The following PKD1L3 variants were observed in gnomAD, a reference collection of about 807,000 sequenced individuals.
The protein encoded by PKD1L3 is polycystin-1-like protein 3.
PKD1L3 carries 239 observed loss-of-function variants against 184.1 expected under a neutral mutation model. The observed-to-expected ratio is 1.30, with a 90% CI of 1.17 to 1.45. The LOEUF (loss-of-function observed/expected upper bound fraction) is 1.45. PKD1L3 is among the 40% of genes most tolerant of loss of function. PKD1L3 has a pLI of 0.00. For synonymous variants in PKD1L3, 996 were observed against 778.8 expected (o/e 1.28, Z -4.64); for missense variants, 2,660 against 2,067.2 (o/e 1.29, Z -5.56).
rs151169941 is a variant in PKD1L3, at chr16:71,962,187, G to A, written c.2612+1018C>T. On this transcript the variant is annotated intron_variant, in intron 16 of 29. Transcript: ENST00000620267. ...GATTTGTCCACCTCGGCCTCCCAAA[G>A]TGCTGGGATTACAGGTGTGAGCCAC... 5.9e-3 allele frequency among the ~76,000 whole-genome samples: 905 copies of A among 152,190 alleles called. 7 individuals are homozygous for A. The highest frequency in any genetic ancestry group is 0.021 in the African/African-American group (864 of 41,530).
intron 22 of PKD1L3, among the ~76,000 whole-genome samples, chr16:71,944,706 T>TTG (rs1555514498): frequency 5.2e-5 from 4 of 77,426 alleles, no homozygotes; most frequent in Non-Finnish European, 1.1e-4. Flanking sequence ...TTTTTGTTTG[T>TTG]TTTTTTTTTT....
intron 13 of PKD1L3, 96 bp from the exon 14 acceptor site, chr16:71,968,103 G>T: frequency 1.0e-6 from 1 of 953,276 alleles, no homozygotes; most frequent in South Asian, 1.6e-5. Context: ...ACTCCGGCAG[G>T]TGTCTGGCAG....
Position 71,944,180 on chromosome 16 carries a change from A to C in PKD1L3, c.3719-10T>G. ...GACGAAGAACATTTTGCTGTCAAAAATTCAAATATAGACCAAAGAAATGTT... is the reference window on the plus strand; with the variant it reads ...GACGAAGAACATTTTGCTGTCAAAACTTCAAATATAGACCAAAGAAATGTT... On this transcript the variant is annotated splice_polypyrimidine_tract_variant and intron_variant, in intron 22 of 29. Transcript: ENST00000620267. The C allele has an allele frequency of 4.5e-6, 7 of 1,545,896 alleles. No individual in the cohort carries two copies. Among genetic ancestry groups the C allele is most frequent in the Non-Finnish European group, 6.1e-6 (7 of 1,142,830 alleles).
At chr16:71,936,214 T>C (rs1018287242) in intron 25 of PKD1L3, among the ~76,000 whole-genome samples, 9 of 151,562 alleles carry the variant, frequency 5.9e-5, no homozygotes, top group Non-Finnish European at 1.0e-4. Flanking sequence ...CTTTTCTTTT[T>C]TTTTTTTTGA....
At chr16:71,999,148 G>GTA (rs2040887350) in intron 1 of PKD1L3, among the ~76,000 whole-genome samples, 1 of 151,870 alleles carries the variant, frequency 6.6e-6, no homozygotes, top group African/African-American at 2.4e-5. Context: ...GCGGCCACCT[G>GTA]TAGTCCCAGC....
At chr16:71,943,783 G>A (rs1472132238) in intron 23 of PKD1L3, among the ~76,000 whole-genome samples, 3 of 152,122 alleles carry the variant, frequency 2.0e-5, no homozygotes, top group Non-Finnish European at 2.9e-5. Context: ...CATAGATCAA[G>A]TGTTATTACA....
At chr16:71,989,681 T>A (rs985047140) in intron 4 of PKD1L3, among the ~76,000 whole-genome samples, 5 of 152,210 alleles carry the variant, frequency 3.3e-5, no homozygotes, top group Non-Finnish European at 7.4e-5. Context: ...TGTATTTTTG[T>A]AAGATGCCAC....
rs1355855659 is a variant in PKD1L3, at chr16:71,973,336, G to C, written c.1941C>G (p.Ser647Arg). 6.4e-6 allele frequency: 10 copies of C among 1,551,590 alleles called. No individual in the cohort carries two copies. Among genetic ancestry groups the C allele is most frequent in the Non-Finnish European group, 8.7e-6 (10 of 1,147,008 alleles). ...CTCAGTTTCTTACTTGGCATCCGGCGCTGCTCCATGTCTGGTTGTGGATCT... is the reference window on the plus strand; with the variant it reads ...CTCAGTTTCTTACTTGGCATCCGGCCCTGCTCCATGTCTGGTTGTGGATCT... Reference protein sequence around the residue: ...YWEIHNQTWSSAGCQVGPQST... With the variant: ...YWEIHNQTWSRAGCQVGPQST... Residue 647 changes from serine to arginine, a missense_variant, in exon 12 of 30, where the codon AGC (serine) becomes AGG (arginine). Coordinates refer to ENST00000620267, the MANE Select transcript of PKD1L3 (RefSeq NM_181536.2).
chr16:71,938,402 C>A (rs1410474105), intron 24 of PKD1L3, among the ~76,000 whole-genome samples: 1 of 152,154 alleles, frequency 6.6e-6, no homozygotes, highest in African/African-American at 2.4e-5. Context: ...GCACAAACAG[C>A]CTGGGCACCA....
chr16:71,971,645 A>AAGC (rs2039714252), intron 12 of PKD1L3, among the ~76,000 whole-genome samples: 1 of 152,232 alleles, frequency 6.6e-6, no homozygotes, highest in Non-Finnish European at 1.5e-5. Flanking sequence ...TTTCCCTAAC[A>AAGC]AGCAGCACTG....
At chr16:71,993,812 T>G (rs2040684292) in intron 2 of PKD1L3, among the ~76,000 whole-genome samples, 1 of 152,246 alleles carries the variant, frequency 6.6e-6, no homozygotes, top group Non-Finnish European at 1.5e-5. Flanking sequence ...TTTTGCTCTG[T>G]TGCCCAGGCT....
intron 24 of PKD1L3, among the ~76,000 whole-genome samples, chr16:71,939,033 G>A (rs2038274346): frequency 6.6e-6 from 1 of 152,248 alleles, no homozygotes; most frequent in African/African-American, 2.4e-5. Flanking sequence ...GGCTCCCTGA[G>A]CCAGGGCTGT....
intron 16 of PKD1L3, among the ~76,000 whole-genome samples, chr16:71,960,444 C>T (rs1225859735): frequency 6.6e-6 from 1 of 151,324 alleles, no homozygotes; most frequent in Non-Finnish European, 1.5e-5. Context: ...TAAGAACAAA[C>T]AATAGAAATA....
chr16:71,974,868 G>A (rs1392020349), intron 11 of PKD1L3, among the ~76,000 whole-genome samples: 1 of 152,156 alleles, frequency 6.6e-6, no homozygotes, highest in Non-Finnish European at 1.5e-5. Flanking sequence ...GCCAGAGAAA[G>A]TTCTTTCCAG....
intron 22 of PKD1L3, among the ~76,000 whole-genome samples, chr16:71,944,455 G>A (rs2038482565): frequency 6.6e-6 from 1 of 152,108 alleles, no homozygotes; most frequent in Admixed American, 6.5e-5. Context: ...GGAGGCCAAG[G>A]CAGCAGGATC....
intron 2 of PKD1L3, among the ~76,000 whole-genome samples, chr16:71,993,967 A>C (rs770471092): frequency 1.3e-5 from 2 of 152,080 alleles, no homozygotes; most frequent in Non-Finnish European, 1.5e-5. Flanking sequence ...ACGAGGTTTC[A>C]CCATGTTGGC....
chr16:71,930,439 G>T, intron 28 of PKD1L3: 1 of 310,614 alleles, frequency 3.2e-6, no homozygotes. Context: ...CAGTGGAATT[G>T]GAAATGATTC....
rs1156975815 is a variant in PKD1L3 at position 71,969,980 on chromosome 16, G to A, written c.2079C>T (p.Arg693=). Residue 693 remains arginine, a synonymous_variant, in exon 13 of 30, where the codon CGC becomes CGT. Transcript: ENST00000620267. ...NVEDTIKLFL[R]VTNNPVGVSL... ...ACACCCCAACAGGATTGTTGGTCAC[G>A]CGAAGGAACAGTTTGATCGTGTCTT... The A allele has an allele frequency of 3.6e-5, 56 of 1,551,622 alleles. No individual in the cohort carries two copies. Among genetic ancestry groups the A allele is most frequent in the South Asian group, 4.8e-5 (4 of 84,064 alleles).
rs914155418 is a variant in PKD1L3 at position 71,950,321 on chromosome 16, A to G, written c.3191-11T>C. 19 of 1,508,452 alleles carry G rather than the reference A, an allele frequency of 1.3e-5. No individual in the cohort carries two copies. Among genetic ancestry groups the G allele is most frequent in the South Asian group, 3.7e-5 (3 of 80,386 alleles). The allele number at this position is 1,508,452 out of a possible 1,614,324, so 93.4% of individuals were successfully genotyped here. ...GGTTTTCAGGAACAACTGAAAATAT[A>G]TTTCAAGTTGACACTTTCACAAGTG... On this transcript the variant is annotated splice_polypyrimidine_tract_variant and intron_variant, in intron 19 of 29. Transcript: ENST00000620267.
Sources: gnomAD v4.1 joint callset for allele counts (sites outside exome capture counted in the v4.1 genomes callset) on GRCh38, gnomAD v4.1.1 for gene constraint, MANE v1.5 for transcripts, NCBI Gene and HGNC (gene_info 2026-07-23, HGNC 2026-07-21) for gene names.